The following SLC5A1 variants were observed in gnomAD, a reference collection of about 807,000 sequenced individuals.
SLC5A1 encodes the protein solute carrier family 5 member 1.
Under a neutral mutation model 73.5 loss-of-function variants are expected in SLC5A1, and 42 were observed. The observed-to-expected ratio is 0.57, with a 90% CI of 0.45 to 0.74. The LOEUF (loss-of-function observed/expected upper bound fraction) is 0.74. Among genes scored for constraint, SLC5A1 ranks in the 30% least tolerant of loss-of-function variants. The pLI is 0.00. For synonymous variants in SLC5A1, 300 were observed against 317.4 expected (o/e 0.95, Z 0.58); for missense variants, 634 against 855.4 (o/e 0.74, Z 3.23).
intron 2 of SLC5A1, among the ~76,000 whole-genome samples, chr22:32,052,803 G>T (rs2093946765): frequency 6.6e-6 from 1 of 152,014 alleles, no homozygotes; most frequent in South Asian, 2.1e-4. Flanking sequence ...AAAGAGAAAT[G>T]AGGGAGAAGA....
intron 14 of SLC5A1, among the ~76,000 whole-genome samples, chr22:32,105,779 T>C (rs1322331017): frequency 5.3e-5 from 8 of 152,166 alleles, no homozygotes; most frequent in Non-Finnish European, 8.8e-5. Flanking sequence ...ACTTTCTATG[T>C]CCATGAGTTC....
rs570270060 is a variant in SLC5A1, at chr22:32,111,339, A to G, written c.*1126A>G. 1.3e-5 allele frequency: 2 copies of G among 152,184 alleles called. No individual in the cohort carries two copies. Among genetic ancestry groups the G allele is most frequent in the South Asian group, 2.1e-4 (1 of 4,812 alleles). The allele number at this position is 152,184 out of a possible 1,614,324, so 9.4% of individuals were successfully genotyped here. A position where few individuals can be genotyped will look rare whatever the true frequency, so the allele number is the denominator to read the frequency against. On this transcript the variant is annotated 3_prime_UTR_variant, in exon 15 of 15. Transcript: ENST00000266088. ...GGCCTTCCTTTTGTCTGTGTCCTAAATCTACTCTTCTGATAAGGACATCAG... is the reference window on the plus strand; with the variant it reads ...GGCCTTCCTTTTGTCTGTGTCCTAAGTCTACTCTTCTGATAAGGACATCAG...
At chr22:32,048,440 C>T (rs138700274) in intron 1 of SLC5A1, among the ~76,000 whole-genome samples, 49 of 152,314 alleles carry the variant, frequency 3.2e-4, no homozygotes, top group African/African-American at 1.1e-3. Context: ...CTCATGAACC[C>T]TCAGTGGCTC....
intron 5 of SLC5A1, among the ~76,000 whole-genome samples, chr22:32,079,906 G>A (rs1270178997): frequency 6.6e-6 from 1 of 152,138 alleles, no homozygotes; most frequent in East Asian, 1.9e-4. Flanking sequence ...CCTCCTCTTG[G>A]GCTACTGCAG....
rs2093977820 is a variant in SLC5A1 at position 32,068,521 on chromosome 22, G to A, written c.398G>A (p.Arg133Lys). 2 of 1,614,004 alleles carry A rather than the reference G, an allele frequency of 1.2e-6. No individual in the cohort carries two copies. Among genetic ancestry groups the A allele is most frequent in the Non-Finnish European group, 1.7e-6 (2 of 1,179,930 alleles). ...GTGGTGACAATGCCAGAGTACCTGA[G>A]GAAGCGGTTTGGAGGCCAGCGGATC... ...AGVVTMPEYL[R>K]KRFGGQRIQV... Residue 133 changes from arginine to lysine, a missense_variant, in exon 5 of 15, where the codon AGG (arginine) becomes AAG (lysine). Around this residue, in one of 3 missense-constraint regions of SLC5A1, gnomAD observed 422 missense variants for 626.1 expected, o/e 0.67. Coordinates refer to ENST00000266088, the MANE Select transcript of SLC5A1 (RefSeq NM_000343.4).
chr22:32,097,662 A>G (rs542639436), intron 11 of SLC5A1, among the ~76,000 whole-genome samples: 3 of 152,196 alleles, frequency 2.0e-5, no homozygotes, highest in Non-Finnish European at 2.9e-5. Flanking sequence ...AAAAGGGAAG[A>G]AGGAGGAGAA....
chr22:32,084,390 G>T, intron 7 of SLC5A1, 49 bp from the exon 8 acceptor site: 2 of 1,520,892 alleles, frequency 1.3e-6, no homozygotes, highest in South Asian at 2.3e-5. Context: ...AAGCTGCTAT[G>T]ACGAGTTGAA....
chr22:32,108,266 A>T lies in SLC5A1; in HGVS notation c.1772-1724A>T, dbSNP rs182521900. On this transcript the variant is annotated intron_variant, in intron 14 of 14. Coordinates refer to ENST00000266088, the MANE Select transcript of SLC5A1 (RefSeq NM_000343.4). ...GGACTACATGCCACCATGCCCTGCT[A>T]ATTTTTTTGTATTTTTAGTAGAGAC... 3.3e-5 allele frequency among the ~76,000 whole-genome samples: 5 copies of T among 151,986 alleles called. No individual in the cohort carries two copies. In the East Asian group the frequency reaches 5.8e-4, roughly 18 times the overall value.
At chr22:32,078,205 G>A (rs757184297) in intron 5 of SLC5A1, among the ~76,000 whole-genome samples, 7 of 152,184 alleles carry the variant, frequency 4.6e-5, no homozygotes, top group Non-Finnish European at 7.4e-5. Flanking sequence ...TCTTGACAGT[G>A]GTCACTTCTG....
chr22:32,083,065 C>G lies in SLC5A1; in HGVS notation c.584-9C>G. On this transcript the variant is annotated splice_polypyrimidine_tract_variant and intron_variant, in intron 6 of 14. Coordinates refer to ENST00000266088, the MANE Select transcript of SLC5A1 (RefSeq NM_000343.4). ...CGAGGTCAGATGTGTTGTCTTCTTGCCTGCTTAGGGGGCCTGGCGGCGGTG... is the reference window on the plus strand; with the variant it reads ...CGAGGTCAGATGTGTTGTCTTCTTGGCTGCTTAGGGGGCCTGGCGGCGGTG... 1 of 1,613,940 alleles carries G rather than the reference C, an allele frequency of 6.2e-7. No individual in the cohort carries two copies. The highest frequency in any genetic ancestry group is 8.5e-7 in the Non-Finnish European group (1 of 1,179,810).
intron 2 of SLC5A1, among the ~76,000 whole-genome samples, chr22:32,063,147 C>T (rs145549704): frequency 3.3e-5 from 5 of 152,194 alleles, no homozygotes; most frequent in Non-Finnish European, 7.4e-5. Flanking sequence ...CTCATTTAAC[C>T]TTATTATCTC....
rs2093938004 is a variant in SLC5A1, at chr22:32,046,978, G to A, written c.136-2965G>A. 2.0e-5 allele frequency among the ~76,000 whole-genome samples: 3 copies of A among 152,184 alleles called. No individual in the cohort carries two copies. In the South Asian group the frequency reaches 6.2e-4, roughly 32 times the overall value. On this transcript the variant is annotated intron_variant, in intron 1 of 14. Coordinates refer to ENST00000266088, the MANE Select transcript of SLC5A1 (RefSeq NM_000343.4). ...TGATTTTCTGTGCACAAGGCATTAT[G>A]CCCAAAGCATTATGTGAAATTAAAA...
chr22:32,085,124 C>CT (rs1476350608), intron 9 of SLC5A1, 89 bp downstream of exon 9: 2,026 of 1,487,970 alleles, frequency 1.4e-3, no homozygotes, highest in Non-Finnish European at 1.6e-3. Flanking sequence ...GCTTCCTCCT[C>CT]TTTTTTTTTG....
chr22:32,099,103 A>ATATATATATAT (rs55974112), intron 11 of SLC5A1, 80 bp from the exon 12 acceptor site: 1 of 80,198 alleles, frequency 1.2e-5, no homozygotes, highest in East Asian at 4.2e-4. Flanking sequence ...AAAAAAAAAA[A>ATATATATATAT]AAATATATAT....
At position 32,083,168 on chromosome 22, in the gene SLC5A1, G is replaced by A. The variant is rs1296926830; in HGVS notation, c.664+14G>A. The A allele has an allele frequency of 1.2e-5, 19 of 1,612,134 alleles. No homozygotes were observed. The highest frequency in any genetic ancestry group is 1.5e-5 in the Non-Finnish European group (18 of 1,178,350). The stretch of plus-strand genomic sequence containing the variant: ...TGACTGGGTTTGGTAAGTGGGGCCA[G>A]GGCAGGCTGAGGAGGTGGGAGCAGA... On this transcript the variant is annotated intron_variant, in intron 7 of 14. Transcript: ENST00000266088.
chr22:32,096,396 A>G (rs2094026340), intron 11 of SLC5A1, among the ~76,000 whole-genome samples: 1 of 152,138 alleles, frequency 6.6e-6, no homozygotes, highest in Non-Finnish European at 1.5e-5. Flanking sequence ...GCCCTTGTCC[A>G]AGGCTCCTTA....
rs376504656 is a variant in SLC5A1, at chr22:32,066,926, C to T, written c.208-9C>T. 5.0e-5 allele frequency: 80 copies of T among 1,605,356 alleles called. No individual in the cohort carries two copies. In the South Asian group the frequency reaches 7.0e-4, roughly 14 times the overall value. ...AGAGCCCTCACCTGACTTTCTTTTGCGTTTCCAGATTGGAGCCTCCCTCTT... is the reference window on the plus strand; with the variant it reads ...AGAGCCCTCACCTGACTTTCTTTTGTGTTTCCAGATTGGAGCCTCCCTCTT... On this transcript the variant is annotated splice_polypyrimidine_tract_variant and intron_variant, in intron 2 of 14. Coordinates refer to ENST00000266088, the MANE Select transcript of SLC5A1 (RefSeq NM_000343.4).
Position 32,081,890 on chromosome 22 carries a change from T to G in SLC5A1, c.502T>G (p.Phe168Val), listed in dbSNP as rs1408943739. The change falls in exon 6 of 15, where the codon TTC becomes GTC. Residue 168 changes from phenylalanine (F) to valine (V), a missense_variant. Phe to Val is a conservative substitution (Grantham distance 50). This residue lies in a region of SLC5A1 where 422 missense variants were observed against 626.1 expected (regional missense o/e 0.67). Coordinates refer to ENST00000266088, the MANE Select transcript of SLC5A1 (RefSeq NM_000343.4). ...GGCAGACATCTTCTCGGGGGCCATA[T>G]TCATCAATCTGGCCTTAGGCCTGAA... ...ISADIFSGAI[F>V]INLALGLNLY... 1 of 1,613,490 alleles carries G rather than the reference T, an allele frequency of 6.2e-7. No homozygotes were observed. Among genetic ancestry groups the G allele is most frequent in the Non-Finnish European group, 8.5e-7 (1 of 1,179,670 alleles).
At chr22:32,047,484 C>G (rs1358631345) in intron 1 of SLC5A1, among the ~76,000 whole-genome samples, 1 of 151,142 alleles carries the variant, frequency 6.6e-6, no homozygotes, top group Non-Finnish European at 1.5e-5. Flanking sequence ...TGGCCCTTAG[C>G]TACCTTTTCT....
Sources: gnomAD v4.1 joint callset for allele counts (sites outside exome capture counted in the v4.1 genomes callset) on GRCh38, gnomAD v4.1.1 for gene constraint, gnomAD v4.1.1 regional missense constraint, MANE v1.5 for transcripts, NCBI Gene and HGNC (gene_info 2026-07-23, HGNC 2026-07-21) for gene names.